Variants in PHLDB1 observed in about 807,000 individuals in gnomAD.
PHLDB1 encodes pleckstrin homology-like domain family B member 1.
A neutral mutation model predicts 139.3 loss-of-function variants in PHLDB1; 65 were observed. The ratio of observed to expected loss-of-function variants is 0.47; its 90% CI spans 0.38 to 0.57. The LOEUF is 0.57. PHLDB1 is among the 20% of genes least tolerant of loss of function. PHLDB1 has a pLI of 0.00. For synonymous variants in PHLDB1, 679 were observed against 734.5 expected (o/e 0.92, Z 1.22); for missense variants, 1,624 against 1,839.7 (o/e 0.88, Z 2.14).
intron 6 of PHLDB1, chr11:118,630,011 GC>G: frequency 2.3e-6 from 3 of 1,284,534 alleles, no homozygotes; most frequent in South Asian, 1.2e-5. Context: ...CCTCCCAGGT[GC>G]CGAGGCTCTG....
chr11:118,613,609 C>T (rs1158462088), intron 1 of PHLDB1: 1 of 610,958 alleles, frequency 1.6e-6, no homozygotes, highest in African/African-American at 1.9e-5. Context: ...GACTGGTATC[C>T]ATGCTGTGGC....
At chr11:118,613,703 G>A (rs1591446758) in intron 1 of PHLDB1, 113 bp from the exon 2 acceptor site, 2 of 654,330 alleles carry the variant, frequency 3.1e-6, no homozygotes, top group Non-Finnish European at 5.3e-6. Context: ...TGAGCATTTG[G>A]GGAATGATGG....
intron 13 of PHLDB1, among the ~76,000 whole-genome samples, chr11:118,642,871 A>T (rs1555122657): frequency 1.3e-5 from 2 of 152,080 alleles, no homozygotes; most frequent in African/African-American, 2.4e-5. Flanking sequence ...AAGGGCAAAG[A>T]CTCTGAAGTG....
chr11:118,609,645 T>TG (rs1228416066), intron 1 of PHLDB1, among the ~76,000 whole-genome samples: 5 of 152,192 alleles, frequency 3.3e-5, no homozygotes, highest in Admixed American at 6.5e-5. Context: ...GCGGTGTCTG[T>TG]GGGGGCCGCC....
chr11:118,639,496 A>T, intron 12 of PHLDB1: 25 of 477,998 alleles, frequency 5.2e-5, no homozygotes, highest in East Asian at 7.7e-5. Flanking sequence ...GTGGCTGAAT[A>T]TATGTGGGGG....
At chr11:118,623,520 C>T (rs946520029) in intron 4 of PHLDB1, among the ~76,000 whole-genome samples, 1 of 152,056 alleles carries the variant, frequency 6.6e-6, no homozygotes, top group Non-Finnish European at 1.5e-5. Flanking sequence ...TGGGAATGTG[C>T]TTGGCTGAGG....
intron 4 of PHLDB1, among the ~76,000 whole-genome samples, chr11:118,622,846 T>C (rs1383764864): frequency 2.0e-5 from 3 of 152,214 alleles, no homozygotes; most frequent in African/African-American, 7.2e-5. Flanking sequence ...CAGTTTTGAA[T>C]ACTCTGGGAT....
intron 15 of PHLDB1, chr11:118,644,647 TC>T (rs1555125145): frequency 7.8e-7 from 1 of 1,289,158 alleles, no homozygotes; most frequent in Admixed American, 2.3e-5. Context: ...CCCACGCCAG[TC>T]GAGTCGCTTC....
rs1948976987 is a variant in PHLDB1, at chr11:118,655,843, C to T, written c.3961-17C>T. On this transcript the variant is annotated splice_polypyrimidine_tract_variant and intron_variant, in intron 21 of 22. Transcript: ENST00000600882. ...CTTTGTCAACTTTCTCTTCCTTTCT[C>T]CCTCTCCCCTTCCCAGAAGAGGTTT... The T allele has an allele frequency of 1.2e-6, 2 of 1,609,252 alleles. No individual in the cohort carries two copies. Among genetic ancestry groups the T allele is most frequent in the Admixed American group, 1.7e-5 (1 of 59,990 alleles).
chr11:118,627,818 C>T lies in PHLDB1; in HGVS notation c.995C>T (p.Thr332Ile), dbSNP rs781855162. ...PPSPGLRGLL[T>I]DSPAATVLAE... ...AGCCCTGGCCTCCGGGGTCTGCTGA[C>T]AGACAGCCCTGCAGCTACTGTCTTG... The change falls in exon 6 of 23, where the codon ACA becomes ATA. Residue 332 changes from threonine to isoleucine, a missense_variant. By Grantham distance (89) the Thr-to-Ile change is moderately conservative. Transcript: ENST00000600882. 1.2e-6 allele frequency: 2 copies of T among 1,605,292 alleles called. No individual in the cohort carries two copies. The highest frequency in any genetic ancestry group is 1.1e-5 in the South Asian group (1 of 90,978).
At chr11:118,644,938 T>C (rs1947230029) in intron 15 of PHLDB1, 2 of 268,180 alleles carry the variant, frequency 7.5e-6, no homozygotes, top group Non-Finnish European at 7.3e-6. Context: ...GGGGTCTGCA[T>C]TGGCAGTCTG....
In PHLDB1 at chr11:118,647,966, G is replaced by A. The variant is rs782619552; in HGVS notation, c.3544G>A (p.Glu1182Lys). 6.3e-7 allele frequency: 1 copy of A among 1,590,326 alleles called. No homozygotes were observed. Among genetic ancestry groups the A allele is most frequent in the South Asian group, 1.1e-5 (1 of 87,908 alleles). The change falls in exon 18 of 23, where the codon GAG becomes AAG. Residue 1182 changes from glutamate (E) to lysine (K), a missense_variant. Glu to Lys is a moderately conservative substitution (Grantham distance 56). Transcript: ENST00000600882. ...GGAGCTGCGGCGGCAGGCCCTGGAG[G>A]AGGAGCGGCGGAGGCGTGAGCAGGT... ...EMELRRQALE[E>K]ERRRREQVER...
Position 118,638,946 on chromosome 11 carries a change from A to G in PHLDB1, c.2591A>G (p.Gln864Arg), listed in dbSNP as rs146018224. ...GGGCAGATCCGGGCTCAGGCCGTGC[A>G]GGAATCAGAACGCCTGGCCCGGGAC... ...QAGQIRAQAVQESERLARDKN... is the reference protein window; with the variant it reads ...QAGQIRAQAVRESERLARDKN... The change falls in exon 11 of 23, where the codon CAG (glutamine) becomes CGG (arginine). Residue 864 changes from glutamine (Q) to arginine (R), a missense_variant. Coordinates refer to ENST00000600882, the MANE Select transcript of PHLDB1 (RefSeq NM_001144758.3). 1 of 1,613,736 alleles carries G rather than the reference A, an allele frequency of 6.2e-7. No homozygotes were observed. The highest frequency in any genetic ancestry group is 1.7e-5 in the Admixed American group (1 of 60,002).
At chr11:118,617,764 T>G (rs1941950280) in intron 4 of PHLDB1, among the ~76,000 whole-genome samples, 1 of 152,100 alleles carries the variant, frequency 6.6e-6, no homozygotes, top group Non-Finnish European at 1.5e-5. Flanking sequence ...TCAAGGTCTC[T>G]GACTTTGGAT....
chr11:118,657,067 C>T lies in PHLDB1; in HGVS notation c.*244C>T, dbSNP rs1591820052. 2 of 400,488 alleles carry T rather than the reference C, an allele frequency of 5.0e-6. No homozygotes were observed. The highest frequency in any genetic ancestry group is 3.7e-5 in the East Asian group (1 of 26,794). 24.8% of individuals were successfully genotyped at this position (400,488 alleles called of 1,614,324 possible). On this transcript the variant is annotated 3_prime_UTR_variant, in exon 23 of 23. Transcript: ENST00000600882. ...TCACAGAGAGGGCCTCAGCTCTGAC[C>T]TGACACCTGCTCTCCCCAGCCTGTT...
chr11:118,631,775 C>A lies in PHLDB1; in HGVS notation c.2101-138C>A, dbSNP rs517124. ...TTGCTCCCCTCAAAGGTGGGGGTTG[C>A]GGGGGGGCAGGGAATTAGCCTCCTG... On this transcript the variant is annotated intron_variant, in intron 7 of 22. Transcript: ENST00000600882. 2.0e-5 allele frequency: 15 copies of A among 751,952 alleles called. 1 individual carries two copies. The South Asian group carries it at 3.9e-4, about 19-fold the overall frequency. The allele number at this position is 751,952 out of a possible 1,614,324, so 46.6% of individuals were successfully genotyped here.
intron 2 of PHLDB1, 100 bp from the exon 3 acceptor site, chr11:118,614,459 C>T (rs1280012634): frequency 2.4e-5 from 33 of 1,350,964 alleles, no homozygotes; most frequent in South Asian, 6.7e-5. Context: ...CAGAGCCCTT[C>T]GGAGAGGGGC....
At position 118,643,922 on chromosome 11, in the gene PHLDB1, G is replaced by T. The variant is rs1947011653; in HGVS notation, c.3000G>T (p.Gly1000=). The change falls in exon 14 of 23, where the codon GGG becomes GGT. Residue 1000 remains glycine, a synonymous_variant. Transcript: ENST00000600882. ...CCCAGCTCAGCGTGGCTACCCTGGG[G>T]CGTAGCCCCTCCCCAAAGGTCTGAG... The part of the protein sequence containing the change: ...SSSQLSVATL[G]RSPSPKSALL... 6.2e-7 allele frequency: 1 copy of T among 1,602,594 alleles called. No homozygotes were observed. The highest frequency in any genetic ancestry group is 1.3e-5 in the African/African-American group (1 of 74,704).
At chr11:118,647,218 T>A (rs1354070559) in intron 17 of PHLDB1, 1 of 152,248 alleles carries the variant, frequency 6.6e-6, no homozygotes, top group Non-Finnish European at 1.5e-5. Context: ...AAGGACTATA[T>A]ATTAGCTGTC....
Sources: allele counts gnomAD v4.1 joint callset (sites outside exome capture counted in the v4.1 genomes callset), GRCh38; gene constraint gnomAD v4.1.1; transcripts MANE v1.5; gene names NCBI Gene and HGNC (gene_info 2026-07-23, HGNC 2026-07-21).